Variants in PLEKHG7 observed in about 807,000 individuals in gnomAD.
The protein encoded by PLEKHG7 is pleckstrin homology domain-containing family G member 7.
A neutral mutation model predicts 85.2 loss-of-function variants in PLEKHG7; 77 were observed. The ratio of observed to expected loss-of-function variants is 0.90; its 90% CI spans 0.75 to 1.09. The LOEUF (loss-of-function observed/expected upper bound fraction) is 1.09, where lower values mean the gene tolerates loss of function less well. Among genes scored for constraint, PLEKHG7 ranks in the 50% least tolerant of loss-of-function variants. The pLI, the probability that PLEKHG7 is intolerant of heterozygous loss-of-function variation, is 0.00. For missense variants in PLEKHG7, 777 were observed against 804.3 expected, an observed-to-expected ratio of 0.97 and a Z score of 0.41; for synonymous variants, 301 against 302.4, an observed-to-expected ratio of 1.00 and a Z score of 0.05.
At chr12:92,714,279 AG>A (rs1283559373) in intron 3 of PLEKHG7, among the ~76,000 whole-genome samples, 2 of 152,214 alleles carry the variant, frequency 1.3e-5, no homozygotes, top group African/African-American at 2.4e-5. Context: ...AGCATGGGTC[AG>A]GGTGGGGATG....
At chr12:92,763,944 A>G (rs1005101201) in intron 14 of PLEKHG7, 97 bp from the exon 15 acceptor site, 4 of 1,053,664 alleles carry the variant, frequency 3.8e-6, no homozygotes, top group Non-Finnish European at 4.0e-6. Context: ...TTTTTAGGCA[A>G]TTGTTTCTCA....
At chr12:92,732,502 A>G (rs1378194064) in intron 5 of PLEKHG7, among the ~76,000 whole-genome samples, 2 of 152,208 alleles carry the variant, frequency 1.3e-5, no homozygotes, top group Non-Finnish European at 2.9e-5. Context: ...TAGTTCTGCA[A>G]AAAAACACAA....
chr12:92,748,436 C>T (rs1287494580), intron 10 of PLEKHG7, among the ~76,000 whole-genome samples: 3 of 152,028 alleles, frequency 2.0e-5, no homozygotes, highest in African/African-American at 4.8e-5. Context: ...TCGGTAGAGA[C>T]GGGGCTTCAC....
chr12:92,715,018 GGATAGATAGATAGATAGATA>G (rs10563574), intron 3 of PLEKHG7, among the ~76,000 whole-genome samples: 7 of 147,538 alleles, frequency 4.7e-5, no homozygotes, highest in East Asian at 4.0e-4. Flanking sequence ...AGAACTAATG[GGATAGATAGATAGATAGATA>G]GATAGATAGA....
rs868824005 is a variant in PLEKHG7, at chr12:92,762,268, G to A, written c.1716+437G>A. Among the ~76,000 whole-genome samples, 8 of 152,100 alleles carry A rather than the reference G, an allele frequency of 5.3e-5. No individual in the cohort carries two copies. The South Asian group carries it at 1.0e-3, about 20-fold the overall frequency. On this transcript the variant is annotated intron_variant, in intron 14 of 16. Transcript: ENST00000344636. ...TCTGAACTGTCTACTGTCTTATGTC[G>A]AGGTGGTTTCAACACTCATTCTGAT...
rs755957871 is a variant in PLEKHG7, at chr12:92,768,670, C to T, written c.1871-313C>T. ...TATTTTCATACACAAAAAAATCTAC[C>T]GCATATGTTTAGCTTGTTCTACGAG... is the stretch of plus-strand genomic sequence containing the variant. On this transcript the variant is annotated intron_variant, in intron 15 of 16. Coordinates refer to ENST00000344636, the MANE Select transcript of PLEKHG7 (RefSeq NM_001377329.1). 8.6e-5 allele frequency among the ~76,000 whole-genome samples: 13 copies of T among 151,840 alleles called. 1 individual carries two copies. The highest frequency in any genetic ancestry group is 1.9e-4 in the East Asian group (1 of 5,176).
chr12:92,732,176 T>A, intron 4 of PLEKHG7, 57 bp from the exon 5 acceptor site: 1 of 1,063,570 alleles, frequency 9.4e-7, no homozygotes, highest in Non-Finnish European at 1.2e-6. Flanking sequence ...ACTACGATGA[T>A]CTGTCGCTAG....
At chr12:92,752,919 T>G (rs1179167706) in intron 10 of PLEKHG7, among the ~76,000 whole-genome samples, 3 of 151,958 alleles carry the variant, frequency 2.0e-5, no homozygotes, top group African/African-American at 4.8e-5. Flanking sequence ...CCTCACATGG[T>G]GAAAAGAGAG....
intron 7 of PLEKHG7, among the ~76,000 whole-genome samples, chr12:92,739,577 A>G (rs572050379): frequency 6.6e-6 from 1 of 152,214 alleles, no homozygotes. Context: ...GAAAAGGCCA[A>G]TTTGAGCTCA....
intron 3 of PLEKHG7, chr12:92,721,322 G>A (rs1016150133): frequency 3.8e-6 from 2 of 523,064 alleles, no homozygotes; most frequent in South Asian, 1.0e-4. Flanking sequence ...ATGGGTGCAC[G>A]GCCTGCTCAG....
At chr12:92,733,049 T>G (rs530228976) in intron 5 of PLEKHG7, among the ~76,000 whole-genome samples, 132 of 152,310 alleles carry the variant, frequency 8.7e-4, no homozygotes, top group African/African-American at 2.8e-3. Context: ...TGCCAATCAG[T>G]TTGGCATCAG....
chr12:92,744,137 C>T (rs957589859), intron 9 of PLEKHG7, among the ~76,000 whole-genome samples: 29 of 152,204 alleles, frequency 1.9e-4, no homozygotes, highest in Non-Finnish European at 4.4e-5. Flanking sequence ...GTTACTGTCA[C>T]TTCTGCTAGT....
chr12:92,746,921 A>C (rs1592683464), intron 10 of PLEKHG7, among the ~76,000 whole-genome samples: 1 of 152,242 alleles, frequency 6.6e-6, no homozygotes, highest in East Asian at 1.9e-4. Flanking sequence ...TGAAACTATA[A>C]AACTGGTAGA....
intron 7 of PLEKHG7, among the ~76,000 whole-genome samples, chr12:92,740,318 A>G (rs11834609): frequency 0.017 from 2,581 of 152,312 alleles, 76 homozygotes; most frequent in African/African-American, 0.058. Flanking sequence ...AAATCATCAA[A>G]TTAAGTGAAA....
chr12:92,761,264 G>A (rs1872980273), intron 13 of PLEKHG7, among the ~76,000 whole-genome samples: 1 of 152,098 alleles, frequency 6.6e-6, no homozygotes, highest in African/African-American at 2.4e-5. Context: ...GAGGAATCTA[G>A]AGGCAAAAAT....
At chr12:92,742,256 A>G (rs1565792560) in intron 9 of PLEKHG7, among the ~76,000 whole-genome samples, 1 of 152,252 alleles carries the variant, frequency 6.6e-6, no homozygotes. Context: ...AATATGAAAA[A>G]TTAAACAAGC....
chr12:92,761,724 C>T (rs1387128011), intron 13 of PLEKHG7, 28 bp from the exon 14 acceptor site: 1 of 1,541,068 alleles, frequency 6.5e-7, no homozygotes, highest in African/African-American at 1.4e-5. Context: ...TTTCAGGTCC[C>T]CATTTCAGCT....
chr12:92,741,387 T>G (rs904441808), intron 8 of PLEKHG7, 104 bp from the exon 9 acceptor site: 3 of 591,226 alleles, frequency 5.1e-6, no homozygotes, highest in African/African-American at 3.8e-5. Flanking sequence ...GAGATATATT[T>G]GAAATGGGAA....
intron 15 of PLEKHG7, among the ~76,000 whole-genome samples, chr12:92,766,254 A>G (rs1271280806): frequency 6.6e-6 from 1 of 152,242 alleles, no homozygotes; most frequent in Non-Finnish European, 1.5e-5. Context: ...AGTAGAGGGC[A>G]TCCTGTGCTA....
Sources: allele counts gnomAD v4.1 joint callset (sites outside exome capture counted in the v4.1 genomes callset), GRCh38; gene constraint gnomAD v4.1.1; transcripts MANE v1.5; gene names NCBI Gene and HGNC (gene_info 2026-07-23, HGNC 2026-07-21).